The following SPAG16 variants were observed in gnomAD, a reference collection of about 807,000 sequenced individuals.
SPAG16 encodes sperm-associated antigen 16 protein.
In SPAG16, 86 loss-of-function variants were observed where a neutral mutation model predicts 80.4. The ratio of observed to expected loss-of-function variants is 1.07; its 90% confidence interval spans 0.90 to 1.28. The LOEUF is 1.28. Ranked by LOEUF, SPAG16 falls within the 50% of genes most tolerant of loss-of-function variation. The pLI is 0.00. For synonymous variants in SPAG16, 294 were observed against 265.9 expected, an observed-to-expected ratio of 1.11 and a Z score of -1.03; for missense variants, 870 against 765.3, an observed-to-expected ratio of 1.14 and a Z score of -1.61.
intron 11 of SPAG16, among the ~76,000 whole-genome samples, chr2:213,892,817 GA>G (rs1255289431): frequency 6.6e-6 from 1 of 152,188 alleles, no homozygotes; most frequent in Non-Finnish European, 1.5e-5. Flanking sequence ...GAGTACCTCA[GA>G]AGACTAAATT....
chr2:213,304,298 T>G (rs969024752), intron 3 of SPAG16, among the ~76,000 whole-genome samples: 1 of 152,184 alleles, frequency 6.6e-6, no homozygotes, highest in African/African-American at 2.4e-5. Context: ...ATGGATAGTT[T>G]GCATATATTT....
chr2:213,725,167 G>A (rs186065816), intron 10 of SPAG16, among the ~76,000 whole-genome samples: 44 of 152,128 alleles, frequency 2.9e-4, no homozygotes, highest in Admixed American at 3.9e-4. Flanking sequence ...CTAGCAGCTG[G>A]GACCTCAGGT....
At chr2:213,873,711 T>A (rs1396172038) in intron 11 of SPAG16, among the ~76,000 whole-genome samples, 4 of 152,084 alleles carry the variant, frequency 2.6e-5, no homozygotes. Context: ...CAAAATATTT[T>A]CAGATTTCCC....
chr2:213,437,052 C>T (rs1204687303), intron 9 of SPAG16, among the ~76,000 whole-genome samples: 1 of 152,046 alleles, frequency 6.6e-6, no homozygotes, highest in Non-Finnish European at 1.5e-5. Flanking sequence ...GCTGGGATTA[C>T]AGGCACCCAC....
intron 10 of SPAG16, among the ~76,000 whole-genome samples, chr2:213,635,239 G>A (rs113930454): frequency 7.2e-4 from 109 of 152,018 alleles, no homozygotes; most frequent in Middle Eastern, 3.4e-3. Flanking sequence ...GTTTCACCAT[G>A]CTAGCCAGGA....
intron 14 of SPAG16, among the ~76,000 whole-genome samples, chr2:214,141,644 A>C (rs12468337): frequency 0.025 from 3,840 of 152,300 alleles, 163 homozygotes; most frequent in East Asian, 0.18. Flanking sequence ...CATTCAATCC[A>C]AAGTGATATT....
chr2:213,316,848 C>A (rs2063419436), intron 4 of SPAG16, among the ~76,000 whole-genome samples: 1 of 151,936 alleles, frequency 6.6e-6, no homozygotes, highest in Non-Finnish European at 1.5e-5. Flanking sequence ...TCAGTGTTTC[C>A]ACCTCATTCT....
chr2:214,084,658 C>T (rs938034975), intron 13 of SPAG16, among the ~76,000 whole-genome samples: 7 of 152,124 alleles, frequency 4.6e-5, no homozygotes, highest in African/African-American at 1.4e-4. Context: ...CAATTACTGA[C>T]CTAGGCTCTA....
At chr2:213,824,513 T>C (rs1264497853) in intron 10 of SPAG16, among the ~76,000 whole-genome samples, 1 of 152,232 alleles carries the variant, frequency 6.6e-6, no homozygotes, top group Non-Finnish European at 1.5e-5. Flanking sequence ...TTCGCCTTTG[T>C]GTGTTCTTAG....
At chr2:213,468,356 T>G (rs1360776373) in intron 9 of SPAG16, among the ~76,000 whole-genome samples, 2 of 143,338 alleles carry the variant, frequency 1.4e-5, no homozygotes, top group Non-Finnish European at 3.0e-5. Context: ...TAATAGGAGA[T>G]ATATATATAT....
intron 10 of SPAG16, among the ~76,000 whole-genome samples, chr2:213,587,447 C>T (rs1249899956): frequency 6.6e-6 from 1 of 152,146 alleles, no homozygotes; most frequent in East Asian, 1.9e-4. Context: ...GCTGGGCAGC[C>T]CTGGCCCCTC....
chr2:213,917,823 T>C (rs1054392340), intron 11 of SPAG16, among the ~76,000 whole-genome samples: 9 of 152,132 alleles, frequency 5.9e-5, no homozygotes, highest in Non-Finnish European at 1.2e-4. Flanking sequence ...AGAGTAGGGA[T>C]GGTGAAGAAG....
intron 15 of SPAG16, chr2:214,238,659 T>C (rs1689240111): frequency 6.7e-6 from 1 of 149,906 alleles, no homozygotes; most frequent in East Asian, 2.0e-4. Flanking sequence ...ACATACTAGA[T>C]CACTTACATA....
chr2:213,916,294 G>C (rs967570926), intron 11 of SPAG16, among the ~76,000 whole-genome samples: 1 of 152,100 alleles, frequency 6.6e-6, no homozygotes, highest in Admixed American at 6.5e-5. Flanking sequence ...TTTTGTATAA[G>C]GTGTAAGGAA....
intron 15 of SPAG16, among the ~76,000 whole-genome samples, chr2:214,334,436 A>T (rs556366775): frequency 1.6e-3 from 243 of 152,302 alleles, no homozygotes; most frequent in African/African-American, 5.7e-3. Context: ...AATTCTTTGG[A>T]TCCCAATTTT....
intron 14 of SPAG16, among the ~76,000 whole-genome samples, chr2:214,114,059 T>G (rs1576249542): frequency 6.6e-6 from 1 of 152,288 alleles, no homozygotes. Flanking sequence ...CTGTTTGTTA[T>G]TTTTCCTTCT....
At chr2:214,241,607 T>A (rs1383940636) in intron 15 of SPAG16, among the ~76,000 whole-genome samples, 1 of 152,170 alleles carries the variant, frequency 6.6e-6, no homozygotes, top group Non-Finnish European at 1.5e-5. Context: ...ACCATTTAGT[T>A]AAATAGAAAT....
intron 1 of SPAG16, among the ~76,000 whole-genome samples, chr2:213,292,375 C>T (rs899694843): frequency 3.9e-5 from 6 of 152,132 alleles, no homozygotes; most frequent in Non-Finnish European, 8.8e-5. Context: ...TTATATAAAA[C>T]TATCAGAGGC....
At chr2:213,816,757 A>G (rs2072563900) in intron 10 of SPAG16, among the ~76,000 whole-genome samples, 1 of 152,112 alleles carries the variant, frequency 6.6e-6, no homozygotes, top group Admixed American at 6.6e-5. Flanking sequence ...GTGCATGATA[A>G]CAATGCTATG....
Sources: allele counts gnomAD v4.1 joint callset (sites outside exome capture counted in the v4.1 genomes callset), GRCh38; gene constraint gnomAD v4.1.1; transcripts MANE v1.5; gene names NCBI Gene and HGNC (gene_info 2026-07-23, HGNC 2026-07-21).